EYA2: variants seen among roughly 807,000 people sequenced by gnomAD.
The protein encoded by EYA2 is EYA transcriptional coactivator and phosphatase 2, also known as protein phosphatase EYA2.
A neutral mutation model predicts 69.2 loss-of-function variants in EYA2; 31 were observed. The observed-to-expected ratio is 0.45, with a 90% CI of 0.34 to 0.60. The LOEUF (loss-of-function observed/expected upper bound fraction) is 0.60, where lower values mean the gene tolerates loss of function less well. EYA2 is among the 20% of genes least tolerant of loss of function. The pLI is 0.02. For missense variants in EYA2, 622 were observed against 701.2 expected (o/e 0.89, Z 1.28); for synonymous variants, 257 against 279.4 (o/e 0.92, Z 0.80).
chr20:46,954,536 C>G (rs570483517), intron 1 of EYA2, among the ~76,000 whole-genome samples: 3 of 152,236 alleles, frequency 2.0e-5, no homozygotes, highest in African/African-American at 4.8e-5. Context: ...CCTGGCAGCT[C>G]GCTCTCTTTG....
chr20:47,171,336 T>C (rs1215459181), intron 11 of EYA2, among the ~76,000 whole-genome samples: 3 of 152,232 alleles, frequency 2.0e-5, no homozygotes, highest in African/African-American at 7.2e-5. Flanking sequence ...GAAATATTTA[T>C]GGAGTACCTA....
At chr20:47,186,345 ATTC>A in intron 15 of EYA2, among the ~76,000 whole-genome samples, 1 of 77,428 alleles carries the variant, frequency 1.3e-5, no homozygotes, top group Non-Finnish European at 2.8e-5. Flanking sequence ...TGAAGCACTT[ATTC>A]TTTTTTTTTT....
intron 9 of EYA2, among the ~76,000 whole-genome samples, chr20:47,138,705 A>C (rs1247107896): frequency 6.6e-6 from 1 of 152,020 alleles, no homozygotes; most frequent in Non-Finnish European, 1.5e-5. Context: ...CAGTGAGCCA[A>C]GATTGTGCCA....
chr20:47,048,609 A>G (rs66595370), intron 5 of EYA2, among the ~76,000 whole-genome samples: 25,607 of 152,060 alleles, frequency 0.17, 2,383 homozygotes, highest in African/African-American at 0.24. Flanking sequence ...GGTGGCATGC[A>G]CCTTTTAATC....
At chr20:47,099,625 G>A (rs759245184) in intron 9 of EYA2, among the ~76,000 whole-genome samples, 4 of 152,216 alleles carry the variant, frequency 2.6e-5, no homozygotes, top group African/African-American at 7.2e-5. Context: ...TTGAGGGGAC[G>A]TGGAGCTGGG....
chr20:47,101,338 C>T (rs535906980), intron 9 of EYA2, among the ~76,000 whole-genome samples: 1 of 152,298 alleles, frequency 6.6e-6, no homozygotes, highest in South Asian at 2.1e-4. Context: ...TCTCCCACCT[C>T]GGCCTCCCAA....
At chr20:46,943,570 G>A (rs1986243142) in intron 1 of EYA2, among the ~76,000 whole-genome samples, 1 of 152,192 alleles carries the variant, frequency 6.6e-6, no homozygotes, top group South Asian at 2.1e-4. Flanking sequence ...TCTCAGATCT[G>A]GGATTTGGGC....
At chr20:47,146,671 G>A (rs2033707524) in intron 10 of EYA2, among the ~76,000 whole-genome samples, 1 of 152,238 alleles carries the variant, frequency 6.6e-6, no homozygotes, top group South Asian at 2.1e-4. Flanking sequence ...ACAGCCTTCT[G>A]CAGCTGCCCA....
At position 46,990,806 on chromosome 20, in the gene EYA2, C is replaced by T. The variant is rs1981607524; in HGVS notation, c.109+687C>T. ...ATTTGCTGCTGTTGTCCTGAGACCC[C>T]CTCGTTGTTTTTCCTTCATTATCTG... On this transcript the variant is annotated intron_variant, in intron 2 of 15. Transcript: ENST00000327619. 2.0e-5 allele frequency among the ~76,000 whole-genome samples: 3 copies of T among 152,186 alleles called. No homozygotes were observed. In the South Asian group the frequency reaches 6.2e-4, roughly 32 times the overall value.
intron 1 of EYA2, among the ~76,000 whole-genome samples, chr20:46,901,886 A>G (rs1406561270): frequency 1.3e-5 from 2 of 152,114 alleles, no homozygotes; most frequent in Admixed American, 6.5e-5. Context: ...AAGATGATTC[A>G]CCTCCGGTCT....
In EYA2 at chr20:47,085,190, G is replaced by A. The variant is rs372816571; in HGVS notation, c.662-4049G>A. Among the ~76,000 whole-genome samples the A allele has an allele frequency of 2.4e-4, 37 of 152,018 alleles. No individual in the cohort carries two copies. The East Asian group carries it at 4.6e-3, about 19-fold the overall frequency. On this transcript the variant is annotated intron_variant, in intron 7 of 15. Transcript: ENST00000327619. ...ACTTATTATATGACCTAGCAAACAA[G>A]CTCAGTAAAAATAAAAAGCTTACAT...
At chr20:47,106,916 G>A (rs936713133) in intron 9 of EYA2, among the ~76,000 whole-genome samples, 3 of 152,044 alleles carry the variant, frequency 2.0e-5, no homozygotes, top group South Asian at 4.1e-4. Flanking sequence ...TCTTGTTGGC[G>A]GATACATCAG....
chr20:47,022,629 G>A (rs1983820854), intron 5 of EYA2, among the ~76,000 whole-genome samples: 1 of 143,974 alleles, frequency 6.9e-6, no homozygotes, highest in Non-Finnish European at 1.5e-5. Context: ...TTTTAACTGA[G>A]ATATAACTCA....
chr20:46,910,390 A>G (rs184962911), intron 1 of EYA2, among the ~76,000 whole-genome samples: 52 of 152,292 alleles, frequency 3.4e-4, no homozygotes, highest in Admixed American at 2.6e-3. Context: ...CCTTGATCCA[A>G]TCACCTCCTA....
intron 5 of EYA2, among the ~76,000 whole-genome samples, chr20:47,031,015 T>C (rs531533370): frequency 1.1e-4 from 17 of 152,208 alleles, no homozygotes; most frequent in African/African-American, 4.1e-4. Context: ...ACAGTCACAA[T>C]TGGGGGTTAC....
At chr20:46,968,564 C>A (rs1046549981) in intron 1 of EYA2, among the ~76,000 whole-genome samples, 2 of 152,148 alleles carry the variant, frequency 1.3e-5, no homozygotes, top group African/African-American at 4.8e-5. Context: ...TTCACCACCC[C>A]CCAGAACATC....
chr20:47,103,132 C>A (rs1271407059), intron 9 of EYA2, among the ~76,000 whole-genome samples: 1 of 152,050 alleles, frequency 6.6e-6, no homozygotes, highest in Non-Finnish European at 1.5e-5. Flanking sequence ...TCATAATTTA[C>A]CCTTTCGATG....
At chr20:46,934,275 GTC>G (rs140695048) in intron 1 of EYA2, among the ~76,000 whole-genome samples, 1 of 151,948 alleles carries the variant, frequency 6.6e-6, no homozygotes, top group Non-Finnish European at 1.5e-5. Flanking sequence ...CATCAACATA[GTC>G]TCTCTCTCTC....
chr20:47,090,354 C>G (rs2032043539), intron 8 of EYA2, among the ~76,000 whole-genome samples: 1 of 151,746 alleles, frequency 6.6e-6, no homozygotes, highest in Admixed American at 6.6e-5. Flanking sequence ...ATTCTCTTGC[C>G]TCGGCCTCCT....
Sources: allele counts gnomAD v4.1 joint callset (sites outside exome capture counted in the v4.1 genomes callset), GRCh38; gene constraint gnomAD v4.1.1; transcripts MANE v1.5; gene names NCBI Gene and HGNC (gene_info 2026-07-23, HGNC 2026-07-21).